Variants in ZNF440 observed in about 807,000 individuals in gnomAD.
The protein encoded by ZNF440 is zinc finger protein 440.
In ZNF440, 47 loss-of-function variants were observed where a neutral mutation model predicts 49.7. That is an observed-to-expected ratio of 0.95 (90% CI 0.75 to 1.21). The LOEUF (loss-of-function observed/expected upper bound fraction) is 1.21. Ranked by LOEUF, ZNF440 falls within the 50% of genes most tolerant of loss-of-function variation. The pLI, the probability that ZNF440 is intolerant of heterozygous loss-of-function variation, is 0.00. For missense variants in ZNF440, 703 were observed against 715.0 expected (o/e 0.98, Z 0.19); for synonymous variants, 255 against 237.7 (o/e 1.07, Z -0.67).
rs547706900 is a variant in ZNF440, at chr19:11,822,845, T to TAAAAAAAAAAAA, written c.4-7433_4-7422dup. On this transcript the variant is annotated intron_variant, in intron 1 of 3. Coordinates refer to ENST00000304060, the MANE Select transcript of ZNF440 (RefSeq NM_152357.3). ...CTGGGCAACAAGAGTGAAACTCCGT[T>TAAAAAAAAAAAA]AAAAAAAAAAAAAAAAGATGCCCTG... Among the ~76,000 whole-genome samples the TAAAAAAAAAAAA allele has an allele frequency of 2.4e-4, 28 of 117,532 alleles. 1 individual carries two copies. The highest frequency in any genetic ancestry group is 3.6e-4 in the African/African-American group (11 of 30,172). 77.1% of individuals were successfully genotyped at this position (117,532 alleles called of 152,430 possible).
intron 1 of ZNF440, 60 bp from the exon 2 acceptor site, chr19:11,830,223 T>A: frequency 6.2e-7 from 1 of 1,607,994 alleles, no homozygotes; most frequent in Non-Finnish European, 8.5e-7. Flanking sequence ...GGGAATAGAG[T>A]CTAGGCCCCC....
chr19:11,826,220 G>A (rs998908280), intron 1 of ZNF440, among the ~76,000 whole-genome samples: 2 of 152,132 alleles, frequency 1.3e-5, no homozygotes, highest in African/African-American at 2.4e-5. Flanking sequence ...CTGGTGTCAC[G>A]CCTCATCCCT....
intron 3 of ZNF440, among the ~76,000 whole-genome samples, chr19:11,831,052 G>A (rs449342): frequency 0.38 from 57,627 of 152,070 alleles, 11,318 homozygotes; most frequent in African/African-American, 0.46. Flanking sequence ...GTAAGCTATG[G>A]TGATATCACC....
chr19:11,816,591 C>T (rs192205520), intron 1 of ZNF440: 1 of 152,288 alleles, frequency 6.6e-6, no homozygotes, highest in East Asian at 1.9e-4. Flanking sequence ...TTGGGGGTTC[C>T]CTTGGCCAAG....
At chr19:11,831,142 T>C (rs1411525877) in intron 3 of ZNF440, among the ~76,000 whole-genome samples, 1 of 152,202 alleles carries the variant, frequency 6.6e-6, no homozygotes, top group Non-Finnish European at 1.5e-5. Context: ...TAAAATAGTT[T>C]ACATGGGAAG....
intron 1 of ZNF440, among the ~76,000 whole-genome samples, chr19:11,826,155 C>T (rs1386348826): frequency 6.6e-6 from 1 of 152,124 alleles, no homozygotes; most frequent in Non-Finnish European, 1.5e-5. Context: ...TTCTATTGTA[C>T]GGATGTTACC....
Position 11,834,012 on chromosome 19 carries a change from T to A in ZNF440, c.*1048T>A, listed in dbSNP as rs927182483. The A allele has an allele frequency of 1.5e-5, 4 of 258,872 alleles. No individual in the cohort carries two copies. Among genetic ancestry groups the A allele is most frequent in the Non-Finnish European group, 3.1e-5 (4 of 128,590 alleles). 16.0% of individuals were successfully genotyped at this position (258,872 alleles called of 1,614,324 possible). A position where few individuals can be genotyped will look rare whatever the true frequency, so the allele number is the denominator to read the frequency against. ...CCTTATACTGTTAAATTGTTATTAT[T>A]TGGACATTGTGAGTCAGTATAACCA... On this transcript the variant is annotated 3_prime_UTR_variant, in exon 4 of 4. Transcript: ENST00000304060.
intron 1 of ZNF440, chr19:11,816,745 C>T (rs1325114706): frequency 6.6e-6 from 1 of 152,422 alleles, no homozygotes. Context: ...ATTCTCCTGC[C>T]TCAGCTTCCC....
intron 1 of ZNF440, among the ~76,000 whole-genome samples, chr19:11,826,941 G>T (rs1466190286): frequency 6.6e-6 from 1 of 152,002 alleles, no homozygotes; most frequent in African/African-American, 2.4e-5. Flanking sequence ...TGGATTACAG[G>T]CATGAGCCAC....
At chr19:11,814,688 A>G (rs1050273764) in intron 1 of ZNF440, among the ~76,000 whole-genome samples, 19 of 152,262 alleles carry the variant, frequency 1.2e-4, no homozygotes, top group African/African-American at 4.3e-4. Flanking sequence ...GTCTCCCCAC[A>G]TTATGCGGGG....
In ZNF440 at chr19:11,832,057, C is replaced by T. The variant is rs183106198; in HGVS notation, c.881C>T (p.Thr294Met). 484 of 1,614,040 alleles carry T rather than the reference C, an allele frequency of 3.0e-4. No individual in the cohort carries two copies. The highest frequency in any genetic ancestry group is 3.5e-4 in the Non-Finnish European group (414 of 1,179,996). The change falls in exon 4 of 4, where the codon ACG becomes ATG. Residue 294 changes from threonine (T) to methionine (M), a missense_variant. Thr to Met is a moderately conservative substitution (Grantham distance 81, BLOSUM62 -1). Coordinates refer to ENST00000304060, the MANE Select transcript of ZNF440 (RefSeq NM_152357.3). The stretch of plus-strand genomic sequence containing the variant: ...TGTAAGGAATGTGGAAAAGCATTCA[C>T]GTGTCCCCGTTATGTTCGTATACAT... ...YQCKECGKAFTCPRYVRIHER... is the reference protein window; with the variant it reads ...YQCKECGKAFMCPRYVRIHER...
At chr19:11,816,777 T>G (rs1298515866) in intron 1 of ZNF440, 1 of 152,318 alleles carries the variant, frequency 6.6e-6, no homozygotes, top group African/African-American at 2.4e-5. Flanking sequence ...ATTACAGGCA[T>G]GTGCCACCAC....
intron 1 of ZNF440, among the ~76,000 whole-genome samples, chr19:11,829,415 A>G (rs1358406837): frequency 2.0e-5 from 3 of 151,026 alleles, no homozygotes; most frequent in Admixed American, 6.6e-5. Flanking sequence ...TTTGCTACCT[A>G]CATGCTTCCT....
At chr19:11,817,184 A>T (rs2145114725) in intron 1 of ZNF440, 1 of 152,368 alleles carries the variant, frequency 6.6e-6, no homozygotes, top group African/African-American at 2.4e-5. Context: ...TTGGAAGTTA[A>T]GTTCTTGCTT....
At chr19:11,820,302 C>G (rs570444581) in intron 1 of ZNF440, among the ~76,000 whole-genome samples, 1 of 152,206 alleles carries the variant, frequency 6.6e-6, no homozygotes, top group South Asian at 2.1e-4. Flanking sequence ...CTGCAAGCTC[C>G]GCTTCCCGGG....
Position 11,833,263 on chromosome 19 carries a change from A to G in ZNF440, c.*299A>G. Reference sequence around the variant, plus strand: ...GTGAATGTAAGAAATGTAGAAAAGCATTCCATAATTTCTCTTCTTTGCAAA... The same window carrying G: ...GTGAATGTAAGAAATGTAGAAAAGCGTTCCATAATTTCTCTTCTTTGCAAA... On this transcript the variant is annotated 3_prime_UTR_variant, in exon 4 of 4. Transcript: ENST00000304060. 3 of 724,012 alleles carry G rather than the reference A, an allele frequency of 4.1e-6. No individual in the cohort carries two copies. The highest frequency in any genetic ancestry group is 6.7e-6 in the Non-Finnish European group (3 of 449,954). 44.8% of individuals were successfully genotyped at this position (724,012 alleles called of 1,614,324 possible).
In ZNF440 at chr19:11,822,753, A is replaced by G. The variant is rs1330963524; in HGVS notation, c.4-7530A>G. Among the ~76,000 whole-genome samples, 5 of 151,942 alleles carry G rather than the reference A, an allele frequency of 3.3e-5. No individual in the cohort carries two copies. In the East Asian group the frequency reaches 7.7e-4, roughly 23 times the overall value. On this transcript the variant is annotated intron_variant, in intron 1 of 3. Coordinates refer to ENST00000304060, the MANE Select transcript of ZNF440 (RefSeq NM_152357.3). Reference sequence around the variant, plus strand: ...TCCCAGCTACTCAGGAGGCTGAAACAGGAGAATCACGAGAACCTGGGAGGT... The same window carrying G: ...TCCCAGCTACTCAGGAGGCTGAAACGGGAGAATCACGAGAACCTGGGAGGT...
At chr19:11,818,697 C>T (rs1599288856) in intron 1 of ZNF440, among the ~76,000 whole-genome samples, 1 of 152,100 alleles carries the variant, frequency 6.6e-6, no homozygotes, top group Admixed American at 6.6e-5. Context: ...CCCACCAGCA[C>T]ACCTGGCTAA....
intron 1 of ZNF440, among the ~76,000 whole-genome samples, chr19:11,820,255 C>T (rs1401207202): frequency 1.3e-5 from 2 of 152,058 alleles, no homozygotes; most frequent in Admixed American, 1.3e-4. Flanking sequence ...CTCACTCTGT[C>T]GCCCAGGCTG....
Sources: allele counts gnomAD v4.1 joint callset (sites outside exome capture counted in the v4.1 genomes callset), GRCh38; gene constraint gnomAD v4.1.1; transcripts MANE v1.5; gene names NCBI Gene and HGNC (gene_info 2026-07-23, HGNC 2026-07-21).